The following MTA1 variants were observed in gnomAD, a reference collection of about 807,000 sequenced individuals.
MTA1 encodes the protein metastasis-associated protein MTA1.
MTA1 carries 15 observed loss-of-function variants against 97.0 expected under a neutral mutation model. The ratio of observed to expected loss-of-function variants is 0.15; its 90% CI spans 0.10 to 0.24. The LOEUF (loss-of-function observed/expected upper bound fraction) is 0.24. MTA1 is among the 10% of genes least tolerant of loss of function. The pLI, the probability that MTA1 is intolerant of heterozygous loss-of-function variation, is 1.00. For synonymous variants in MTA1, 435 were observed against 417.5 expected (o/e 1.04, Z -0.51); for missense variants, 709 against 1,015.1 (o/e 0.70, Z 4.10).
chr14:105,461,869 G>A (rs1442719486), intron 10 of MTA1, among the ~76,000 whole-genome samples: 2 of 152,288 alleles, frequency 1.3e-5, no homozygotes, highest in Admixed American at 6.5e-5. Flanking sequence ...TGGGGCCAGC[G>A]GCCTCTCCAA....
At chr14:105,468,637 C>T (rs138662531) in intron 18 of MTA1, among the ~76,000 whole-genome samples, 123 of 152,312 alleles carry the variant, frequency 8.1e-4, no homozygotes, top group African/African-American at 2.6e-3. Context: ...AGCTAAGCAG[C>T]GTTTCTGGAG....
chr14:105,466,316 G>T, intron 16 of MTA1, 110 bp from the exon 17 acceptor site: 1 of 1,006,524 alleles, frequency 9.9e-7, no homozygotes, highest in Non-Finnish European at 1.5e-6. Context: ...GGGCCGCATG[G>T]GGCTTAGTTC....
At chr14:105,465,327 C>A in intron 16 of MTA1, 144 bp downstream of exon 16, 1 of 617,140 alleles carries the variant, frequency 1.6e-6, no homozygotes, top group Non-Finnish European at 2.5e-6. Context: ...TTTTGGGGTA[C>A]TCTGCACCGT....
In MTA1 at chr14:105,464,095, G is replaced by A. The variant is rs200370675; in HGVS notation, c.1140G>A (p.Thr380=). ...NNVKAGVVNG[T]GAPGQSPGAG... Reference sequence around the variant, plus strand: ...TCAAGGCCGGTGTGGTGAACGGCACGGGGGCGCCGGGCCAGAGCCCTGGGG... The same window carrying A: ...TCAAGGCCGGTGTGGTGAACGGCACAGGGGCGCCGGGCCAGAGCCCTGGGG... The change falls in exon 13 of 21, where the codon ACG becomes ACA. Residue 380 remains threonine, a synonymous_variant. Transcript: ENST00000331320. 163 of 1,612,290 alleles carry A rather than the reference G, an allele frequency of 1.0e-4. 1 individual carries two copies. In the East Asian group the frequency reaches 1.8e-3, roughly 17 times the overall value.
intron 1 of MTA1, among the ~76,000 whole-genome samples, chr14:105,421,226 G>A (rs987738040): frequency 1.3e-5 from 2 of 152,156 alleles, no homozygotes; most frequent in Admixed American, 1.3e-4. Context: ...TCCAGCGGCA[G>A]CCCCTCCCAC....
At chr14:105,453,904 T>C (rs1595374662) in intron 6 of MTA1, among the ~76,000 whole-genome samples, 1 of 152,198 alleles carries the variant, frequency 6.6e-6, no homozygotes, top group East Asian at 1.9e-4. Flanking sequence ...GCCCCACCCC[T>C]GCAGCTGCTC....
intron 10 of MTA1, among the ~76,000 whole-genome samples, chr14:105,461,341 C>T (rs1555431025): frequency 6.6e-6 from 1 of 152,228 alleles, no homozygotes; most frequent in African/African-American, 2.4e-5. Flanking sequence ...CTCTTGACTC[C>T]TCATGTCCTT....
At chr14:105,425,849 G>C (rs4983616) in intron 1 of MTA1, among the ~76,000 whole-genome samples, 124,741 of 148,204 alleles carry the variant, frequency 0.84, 52,167 homozygotes, top group African/African-American at 0.89. Context: ...ATGTGCCCCC[G>C]GCACCCCCGA....
rs587763363 is a variant in MTA1 at position 105,422,290 on chromosome 14, G to A, written c.28+2227G>A. Among the ~76,000 whole-genome samples the A allele has an allele frequency of 6.6e-6, 1 of 152,238 alleles. No homozygotes were observed. Among genetic ancestry groups the A allele is most frequent in the South Asian group, 2.1e-4 (1 of 4,812 alleles). On this transcript the variant is annotated intron_variant, in intron 1 of 20. Transcript: ENST00000331320. This position sits in a 1 kb window ranked among gnomAD's most constrained non-coding sequence, Gnocchi z 4.3. ...AGAGCCCTGTGGTCGCAGTGGGCTG[G>A]GCATTGCAGGTTGGCTTCCTGTCTT...
intron 3 of MTA1, among the ~76,000 whole-genome samples, chr14:105,448,240 T>A (rs180782975): frequency 0.012 from 1,765 of 151,198 alleles, 16 homozygotes; most frequent in Non-Finnish European, 0.019. Flanking sequence ...GGGTTCAGAG[T>A]GTGAGGGGTG....
At chr14:105,451,173 G>A (rs587704153) in intron 6 of MTA1, among the ~76,000 whole-genome samples, 127 of 152,330 alleles carry the variant, frequency 8.3e-4, no homozygotes, top group Non-Finnish European at 1.3e-3. Flanking sequence ...CATCTCTGTC[G>A]TGGCCATCGG....
rs1193788128 is a variant in MTA1 at position 105,422,908 on chromosome 14, G to T, written c.28+2845G>T. On this transcript the variant is annotated intron_variant, in intron 1 of 20. Transcript: ENST00000331320. This position sits in a 1 kb window ranked among gnomAD's most constrained non-coding sequence, Gnocchi z 4.3. ...GCGGATGGCCTGGGCAAGGGTGGCG[G>T]GGTCAGGGTTCCCTGACCTCTGCTT... Among the ~76,000 whole-genome samples, 1 of 152,182 alleles carries T rather than the reference G, an allele frequency of 6.6e-6. No homozygotes were observed. Among genetic ancestry groups the T allele is most frequent in the African/African-American group, 2.4e-5 (1 of 41,460 alleles).
chr14:105,448,307 TTC>T (rs781901010), intron 3 of MTA1, among the ~76,000 whole-genome samples: 4 of 152,048 alleles, frequency 2.6e-5, no homozygotes, highest in Non-Finnish European at 5.9e-5. Context: ...GTTGAGGGTC[TTC>T]TGAGGAGCTG....
intron 18 of MTA1, chr14:105,467,492 G>A: frequency 2.2e-6 from 1 of 455,964 alleles, no homozygotes; most frequent in Non-Finnish European, 4.4e-6. Context: ...AGGCTGCTGG[G>A]TGTCCTGGCA....
At chr14:105,443,803 C>G (rs1222015531) in intron 2 of MTA1, among the ~76,000 whole-genome samples, 1 of 152,148 alleles carries the variant, frequency 6.6e-6, no homozygotes, top group Non-Finnish European at 1.5e-5. Flanking sequence ...AAAAATTAGC[C>G]AGGTTGGCTG....
chr14:105,449,402 C>T lies in MTA1; in HGVS notation c.234C>T (p.Gly78=), dbSNP rs375104080. The T allele has an allele frequency of 2.8e-5, 45 of 1,611,634 alleles. No homozygotes were observed. The highest frequency in any genetic ancestry group is 1.2e-4 in the African/African-American group (9 of 74,878). ...AGGCCGGACCGGGGGCGGACAACGG[C>T]GAGGAAGGTAAGAGCCGGCCTCCGC... ...CYKAGPGADN[G]EEGEIEEEME... is the part of the protein sequence containing the mutation. The change falls in exon 4 of 21, where the codon GGC becomes GGT. Residue 78 remains glycine (G), a synonymous_variant. Coordinates refer to ENST00000331320, the MANE Select transcript of MTA1 (RefSeq NM_004689.4).
chr14:105,464,219 G>GGGCTCCAGCA, intron 13 of MTA1, 72 bp downstream of exon 13: 1 of 1,520,060 alleles, frequency 6.6e-7, no homozygotes, highest in Non-Finnish European at 9.0e-7. Context: ...TTGGCCCTGA[G>GGGCTCCAGCA]GGCTCCAGCA....
chr14:105,461,025 C>A (rs1423344948), intron 10 of MTA1, 72 bp downstream of exon 10: 1 of 1,436,854 alleles, frequency 7.0e-7, no homozygotes, highest in South Asian at 1.3e-5. Context: ...GGGGTGTGGG[C>A]TCCACATCCC....
chr14:105,458,549 G>T (rs1341428032), intron 8 of MTA1, among the ~76,000 whole-genome samples, 177 bp downstream of exon 8: 1 of 152,180 alleles, frequency 6.6e-6, no homozygotes, highest in Non-Finnish European at 1.5e-5. Flanking sequence ...GGGAGTGCTG[G>T]GTCCAGGCCC....
Sources: allele counts gnomAD v4.1 joint callset (sites outside exome capture counted in the v4.1 genomes callset), GRCh38; gene constraint gnomAD v4.1.1; non-coding constraint Gnocchi (gnomAD v3.1); transcripts MANE v1.5; gene names NCBI Gene and HGNC (gene_info 2026-07-23, HGNC 2026-07-21).